STX6: variants seen among roughly 807,000 people sequenced by gnomAD.
STX6 encodes the protein syntaxin-6.
In STX6, 23 loss-of-function variants were observed where a neutral mutation model predicts 38.0. That is an observed-to-expected ratio of 0.60 (90% CI 0.43 to 0.86). The LOEUF is 0.86. Ranked by LOEUF, STX6 falls within the 40% of genes least tolerant of loss-of-function variation. The probability of loss-of-function intolerance (pLI) is 0.00; values close to 1 mark genes in which losing one functional copy is unlikely to be tolerated. For synonymous variants in STX6, 123 were observed against 107.5 expected, an observed-to-expected ratio of 1.14 and a Z score of -0.89; for missense variants, 274 against 312.9, an observed-to-expected ratio of 0.88 and a Z score of 0.94.
chr1:180,989,497 CA>C (rs758234812), intron 5 of STX6: 4,967 of 62,730 alleles, frequency 0.079, 76 homozygotes, highest in African/African-American at 0.16. Context: ...CTCCGTCTCA[CA>C]AAAAAAAAAA....
intron 7 of STX6, among the ~76,000 whole-genome samples, 189 bp from the exon 8 acceptor site, chr1:180,976,835 T>G (rs1655271675): frequency 6.6e-6 from 1 of 152,242 alleles, no homozygotes; most frequent in South Asian, 2.1e-4. Flanking sequence ...GCACTTCGCA[T>G]GCAGTCACAA....
At chr1:180,988,215 CGA>C in intron 6 of STX6, 22 bp downstream of exon 6, 1 of 1,569,838 alleles carries the variant, frequency 6.4e-7, no homozygotes, top group South Asian at 1.1e-5. Context: ...TTCACTGAAG[CGA>C]GAGGGGTGTC....
At chr1:180,996,307 T>C (rs1655914106) in intron 3 of STX6, among the ~76,000 whole-genome samples, 1 of 152,116 alleles carries the variant, frequency 6.6e-6, no homozygotes, top group South Asian at 2.1e-4. Context: ...ATCCACACAA[T>C]GCAGTATTAT....
At chr1:181,013,171 A>AG (rs1198131746) in intron 1 of STX6, among the ~76,000 whole-genome samples, 1 of 152,004 alleles carries the variant, frequency 6.6e-6, no homozygotes, top group African/African-American at 2.4e-5. Context: ...AAAAAAAAAA[A>AG]TCACAAAGTT....
In STX6 at chr1:181,022,654, A is replaced by T; in HGVS notation, c.20T>A (p.Phe7Tyr). 1 of 1,610,936 alleles carries T rather than the reference A, an allele frequency of 6.2e-7. No homozygotes were observed. The highest frequency in any genetic ancestry group is 8.5e-7 in the Non-Finnish European group (1 of 1,178,734). Residue 7 changes from phenylalanine (F) to tyrosine (Y), a missense_variant, in exon 1 of 8, where the codon TTC (phenylalanine) becomes TAC (tyrosine). By Grantham distance (22) the Phe-to-Tyr change is conservative (BLOSUM62 3). Coordinates refer to ENST00000258301, the MANE Select transcript of STX6 (RefSeq NM_005819.6). MSMEDP[F>Y]FVVKGEVQKA... ...CGACACTCACCCTTTCACCACAAAG[A>T]AGGGGTCCTCCATGGACATGGCGTC...
chr1:180,990,116 G>A lies in STX6; in HGVS notation c.364-7C>T. ...CACTGTCTCCCAGCAGTGCCTGTGT[G>A]AGAAGAACAACCAGAGGAGTCAGGA... On this transcript the variant is annotated splice_region_variant and splice_polypyrimidine_tract_variant and intron_variant, in intron 4 of 7. Coordinates refer to ENST00000258301, the MANE Select transcript of STX6 (RefSeq NM_005819.6). 1 of 1,614,082 alleles carries A rather than the reference G, an allele frequency of 6.2e-7. No individual in the cohort carries two copies.
chr1:180,985,160 A>C, intron 6 of STX6, among the ~76,000 whole-genome samples: 1 of 152,068 alleles, frequency 6.6e-6, no homozygotes. Flanking sequence ...AAAAACAACG[A>C]GATTTCTTTA....
At chr1:180,999,307 C>T (rs937015413) in intron 3 of STX6, among the ~76,000 whole-genome samples, 4 of 152,186 alleles carry the variant, frequency 2.6e-5, no homozygotes, top group African/African-American at 9.7e-5. Context: ...CCCTTATATT[C>T]ACCATTATTC....
In STX6 at chr1:180,980,050, T is replaced by C. The variant is rs1655359126; in HGVS notation, c.692-3404A>G. ...GGTGAAACCCTGTCTCTACTAAAAA[T>C]ACAAAAATTAGCTGGGCGTGGTGGC... On this transcript the variant is annotated intron_variant, in intron 7 of 7. Coordinates refer to ENST00000258301, the MANE Select transcript of STX6 (RefSeq NM_005819.6). Among the ~76,000 whole-genome samples, 5 of 151,932 alleles carry C rather than the reference T, an allele frequency of 3.3e-5. No individual in the cohort carries two copies. In the South Asian group the frequency reaches 1.0e-3, roughly 32 times the overall value.
rs572146468 is a variant in STX6, at chr1:181,017,983, T to A, written c.35+4656A>T. ...CACCACATTAATTGTAGTGTGATCA[T>A]AAATATAATGTATCTTCCAGGATGA... On this transcript the variant is annotated intron_variant, in intron 1 of 7. Transcript: ENST00000258301. Among the ~76,000 whole-genome samples the A allele has an allele frequency of 2.6e-5, 4 of 152,314 alleles. No homozygotes were observed. The South Asian group carries it at 8.3e-4, about 32-fold the overall frequency.
intron 3 of STX6, among the ~76,000 whole-genome samples, chr1:181,002,266 T>C (rs371943436): frequency 7.9e-5 from 12 of 152,206 alleles, no homozygotes; most frequent in African/African-American, 2.9e-4. Flanking sequence ...CCTCCCATCT[T>C]GGTCTTCCAT....
Position 180,988,300 on chromosome 1 carries a change from T to C in STX6, c.535A>G (p.Ser179Gly), listed in dbSNP as rs1655650404. 1 of 1,614,066 alleles carries C rather than the reference T, an allele frequency of 6.2e-7. No homozygotes were observed. ...GACATGTTCTTCAGCACCCCGATGC[T>C]GCCAGAGACCAGCTCCAACTGCTCA... The part of the protein sequence containing the change: ...QDEQLELVSG[S>G]IGVLKNMSQR... Residue 179 changes from serine (S) to glycine (G), a missense_variant, in exon 6 of 8, where the codon AGC (serine) becomes GGC (glycine). Transcript: ENST00000258301.
intron 6 of STX6, among the ~76,000 whole-genome samples, chr1:180,987,410 T>G (rs1655619490): frequency 6.6e-6 from 1 of 152,242 alleles, no homozygotes; most frequent in African/African-American, 2.4e-5. Flanking sequence ...TTACCCAATA[T>G]CCGTTCTACC....
intron 7 of STX6, among the ~76,000 whole-genome samples, chr1:180,983,998 A>T (rs1234897524): frequency 1.5e-5 from 2 of 130,792 alleles, no homozygotes; most frequent in East Asian, 5.3e-4. Context: ...TGGGAGGTAG[A>T]GCTTGCAGTG....
intron 7 of STX6, 87 bp from the exon 8 acceptor site, chr1:180,976,733 A>G: frequency 7.7e-7 from 1 of 1,295,884 alleles, no homozygotes; most frequent in South Asian, 1.2e-5. Context: ...CACCCTTTGA[A>G]GCAGAAAAGG....
intron 6 of STX6, 119 bp from the exon 7 acceptor site, chr1:180,984,890 C>T: frequency 2.0e-6 from 1 of 493,140 alleles, no homozygotes; most frequent in Non-Finnish European, 3.7e-6. Context: ...CACTGGGTTT[C>T]AGGACCTCAC....
At chr1:180,983,848 A>G (rs2102303419) in intron 7 of STX6, among the ~76,000 whole-genome samples, 1 of 151,790 alleles carries the variant, frequency 6.6e-6, no homozygotes, top group African/African-American at 2.4e-5. Context: ...GCAGATCACG[A>G]GGTCAGGAGA....
chr1:181,003,303 T>C (rs576775627), intron 2 of STX6, among the ~76,000 whole-genome samples: 15 of 152,330 alleles, frequency 9.8e-5, no homozygotes, highest in African/African-American at 3.6e-4. Context: ...CTCAAAGTTC[T>C]GTGAGGGCTG....
intron 1 of STX6, among the ~76,000 whole-genome samples, chr1:181,012,129 C>G (rs1416649242): frequency 2.0e-5 from 3 of 152,188 alleles, no homozygotes. Context: ...CAGAGTTCTT[C>G]AGCTTAGCAA....
Sources: allele counts gnomAD v4.1 joint callset (sites outside exome capture counted in the v4.1 genomes callset), GRCh38; gene constraint gnomAD v4.1.1; transcripts MANE v1.5; gene names NCBI Gene and HGNC (gene_info 2026-07-23, HGNC 2026-07-21).